NALF1: variants seen among roughly 807,000 people sequenced by gnomAD.
NALF1 encodes family with sequence similarity 155 member A.
A neutral mutation model predicts 48.4 loss-of-function variants in NALF1; 3 were observed. The observed-to-expected ratio is 0.06, with a 90% CI of 0.03 to 0.16. The LOEUF is 0.16. Among genes scored for constraint, NALF1 ranks in the 10% least tolerant of loss-of-function variants. The pLI is 1.00. For missense variants in NALF1, 526 were observed against 571.5 expected, an observed-to-expected ratio of 0.92 and a Z score of 0.81; for synonymous variants, 262 against 245.7, an observed-to-expected ratio of 1.07 and a Z score of -0.62.
chr13:107,559,469 C>G (rs1021383491), intron 1 of NALF1, among the ~76,000 whole-genome samples: 1 of 152,048 alleles, frequency 6.6e-6, no homozygotes, highest in Non-Finnish European at 1.5e-5. Flanking sequence ...AAGTAAAAAA[C>G]CAATAATATC....
intron 1 of NALF1, among the ~76,000 whole-genome samples, chr13:107,364,251 A>T (rs1164602862): frequency 6.6e-6 from 1 of 152,204 alleles, no homozygotes; most frequent in Non-Finnish European, 1.5e-5. Flanking sequence ...TGATCTAATC[A>T]TCTTATATAT....
chr13:107,245,023 CTTTAA>C (rs755380548), intron 1 of NALF1, among the ~76,000 whole-genome samples: 25 of 152,088 alleles, frequency 1.6e-4, no homozygotes, highest in Admixed American at 5.2e-4. Flanking sequence ...TTAACACTAA[CTTTAA>C]TTTATAGAGT....
intron 1 of NALF1, among the ~76,000 whole-genome samples, chr13:107,300,959 T>G (rs2138892704): frequency 6.6e-6 from 1 of 152,330 alleles, no homozygotes; most frequent in East Asian, 1.9e-4. Context: ...TAACAAATCT[T>G]TCTTATGCAT....
chr13:107,837,951 A>G (rs1057504572), intron 1 of NALF1, among the ~76,000 whole-genome samples: 1 of 152,290 alleles, frequency 6.6e-6, no homozygotes. Context: ...AACTCATCAT[A>G]GAACCATAAG....
At chr13:107,693,308 CAT>C (rs1359225399) in intron 1 of NALF1, among the ~76,000 whole-genome samples, 6 of 97,770 alleles carry the variant, frequency 6.1e-5, no homozygotes, top group African/African-American at 2.4e-4. Flanking sequence ...GAACACCACA[CAT>C]CAGGGCCTGT....
intron 1 of NALF1, among the ~76,000 whole-genome samples, chr13:107,749,628 C>A (rs1033951199): frequency 6.6e-6 from 1 of 151,856 alleles, no homozygotes; most frequent in Non-Finnish European, 1.5e-5. Context: ...ATTTTACATA[C>A]TACAGTATAC....
intron 1 of NALF1, among the ~76,000 whole-genome samples, chr13:107,216,458 T>C (rs553180360): frequency 5.9e-5 from 9 of 152,324 alleles, no homozygotes; most frequent in Non-Finnish European, 1.3e-4. Flanking sequence ...GCTGAGTCTG[T>C]GAAGTAAGCT....
chr13:107,205,807 G>C (rs1040432594), intron 2 of NALF1, among the ~76,000 whole-genome samples: 1 of 151,820 alleles, frequency 6.6e-6, no homozygotes, highest in Non-Finnish European at 1.5e-5. Context: ...CTTAATGTTT[G>C]TTACCATAGC....
At chr13:107,508,492 C>T (rs1476650552) in intron 1 of NALF1, among the ~76,000 whole-genome samples, 1 of 151,916 alleles carries the variant, frequency 6.6e-6, no homozygotes, top group Non-Finnish European at 1.5e-5. Context: ...AATTGCTTGC[C>T]TGGTAGAAGC....
chr13:107,350,898 T>C (rs1029095209), intron 1 of NALF1, among the ~76,000 whole-genome samples: 2 of 152,208 alleles, frequency 1.3e-5, no homozygotes, highest in South Asian at 4.1e-4. Context: ...ACACTGATTC[T>C]GTGGTTTGAG....
rs533488852 is a variant in NALF1 at position 107,703,009 on chromosome 13, G to A, written c.915+162673C>T. On this transcript the variant is annotated intron_variant, in intron 1 of 2. Transcript: ENST00000375915. ...GTGAACAGTGCTGCGATGAACATAT[G>A]TGTGCATGTATCTTTATAATAGAAT... is the stretch of plus-strand genomic sequence containing the variant. Among the ~76,000 whole-genome samples the A allele has an allele frequency of 3.1e-4, 47 of 152,224 alleles. 1 individual carries two copies. The highest frequency in any genetic ancestry group is 2.8e-3 in the Admixed American group (43 of 15,288).
intron 1 of NALF1, among the ~76,000 whole-genome samples, chr13:107,621,216 T>C (rs1430560067): frequency 6.6e-6 from 1 of 152,184 alleles, no homozygotes; most frequent in Non-Finnish European, 1.5e-5. Flanking sequence ...CTGCAGTCCA[T>C]TATTAACTAG....
intron 1 of NALF1, among the ~76,000 whole-genome samples, chr13:107,766,478 C>T (rs1462888814): frequency 6.6e-6 from 1 of 152,060 alleles, no homozygotes; most frequent in Non-Finnish European, 1.5e-5. Context: ...GACTGAAACG[C>T]AGAACTGTTC....
intron 1 of NALF1, among the ~76,000 whole-genome samples, chr13:107,577,255 T>C (rs1878181573): frequency 6.6e-6 from 1 of 152,098 alleles, no homozygotes; most frequent in East Asian, 1.9e-4. Flanking sequence ...AAGTCTGAGC[T>C]CCAACTTTAA....
chr13:107,573,945 CTT>C (rs1409466427), intron 1 of NALF1, among the ~76,000 whole-genome samples: 1 of 152,112 alleles, frequency 6.6e-6, no homozygotes, highest in Non-Finnish European at 1.5e-5. Flanking sequence ...TTGGGTATGT[CTT>C]TATTAGCAGT....
chr13:107,420,017 T>C (rs1246230322), intron 1 of NALF1, among the ~76,000 whole-genome samples: 2 of 152,204 alleles, frequency 1.3e-5, no homozygotes, highest in Non-Finnish European at 2.9e-5. Flanking sequence ...GAAGTGACTC[T>C]GGGTTTAAAC....
intron 1 of NALF1, among the ~76,000 whole-genome samples, chr13:107,438,529 C>A (rs981013183): frequency 2.6e-5 from 4 of 152,008 alleles, no homozygotes; most frequent in African/African-American, 9.6e-5. Flanking sequence ...ATAGGCTGGG[C>A]CCAGTGGCTC....
intron 1 of NALF1, among the ~76,000 whole-genome samples, chr13:107,405,979 G>C (rs1006545592): frequency 1.3e-5 from 2 of 152,046 alleles, no homozygotes; most frequent in African/African-American, 4.8e-5. Flanking sequence ...CCTCTCTGGA[G>C]ATGTATAGAA....
chr13:107,856,757 G>A (rs1036094608), intron 1 of NALF1, among the ~76,000 whole-genome samples: 1 of 152,134 alleles, frequency 6.6e-6, no homozygotes, highest in African/African-American at 2.4e-5. Flanking sequence ...GCCAAAGGAT[G>A]TTGGATGGAA....
Sources: gnomAD v4.1 joint callset for allele counts (sites outside exome capture counted in the v4.1 genomes callset) on GRCh38, gnomAD v4.1.1 for gene constraint, MANE v1.5 for transcripts, NCBI Gene and HGNC (gene_info 2026-07-23, HGNC 2026-07-21) for gene names.